Variants in GRIA3 observed in about 807,000 individuals in gnomAD.
The protein encoded by GRIA3 is glutamate ionotropic receptor AMPA type subunit 3, also known as glutamate receptor 3.
In GRIA3, 3 loss-of-function variants were observed where a neutral mutation model predicts 63.0. The ratio of observed to expected loss-of-function variants is 0.05; its 90% CI spans 0.02 to 0.12. GRIA3 has a LOEUF of 0.12. Among genes scored for constraint, GRIA3 ranks in the 10% least tolerant of loss-of-function variants. The pLI is 1.00. For synonymous variants in GRIA3, 274 were observed against 257.9 expected (o/e 1.06, Z -0.60); for missense variants, 347 against 700.9 (o/e 0.50, Z 5.70).
intron 5 of GRIA3, among the ~76,000 whole-genome samples, chrX:123,378,966 T>C (rs1390230728): frequency 1.8e-5 from 2 of 111,297 alleles, no homozygotes; most frequent in African/African-American, 3.3e-5. Context: ...TTTTGTTACA[T>C]AGTTAATTTT....
chrX:123,339,127 G>C (rs926958778), intron 4 of GRIA3, among the ~76,000 whole-genome samples: 1 of 112,104 alleles, frequency 8.9e-6, no homozygotes, highest in Non-Finnish European at 1.9e-5. Flanking sequence ...ATATCTAACA[G>C]AGATATTTTT....
chrX:123,306,831 G>A (rs1025265540), intron 3 of GRIA3, among the ~76,000 whole-genome samples: 1 of 111,834 alleles, frequency 8.9e-6, no homozygotes, highest in African/African-American at 3.3e-5. Context: ...CCTCTCTCTA[G>A]CCCTGGGGCA....
chrX:123,254,601 G>A (rs1426337844), intron 3 of GRIA3, among the ~76,000 whole-genome samples: 2 of 111,875 alleles, frequency 1.8e-5, no homozygotes, highest in Non-Finnish European at 3.8e-5. Context: ...TAACTTGAAC[G>A]GCCATTTTGC....
intron 3 of GRIA3, among the ~76,000 whole-genome samples, chrX:123,268,674 C>T (rs1173370104): frequency 9.1e-6 from 1 of 110,476 alleles, no homozygotes; most frequent in Non-Finnish European, 1.9e-5. Flanking sequence ...GTTCTTAAGG[C>T]TGAGGTTTCA....
intron 12 of GRIA3, among the ~76,000 whole-genome samples, chrX:123,428,489 T>G (rs763646445): frequency 2.7e-5 from 3 of 111,826 alleles, no homozygotes; most frequent in Non-Finnish European, 5.6e-5. Context: ...ATAATATATA[T>G]TCTGCTTTCT....
chrX:123,265,792 C>G (rs2044484762), intron 3 of GRIA3, among the ~76,000 whole-genome samples: 1 of 112,436 alleles, frequency 8.9e-6, no homozygotes, highest in South Asian at 3.7e-4. Flanking sequence ...CTTAAGTGCA[C>G]TCACATGTTT....
chrX:123,349,718 T>G (rs1205294853), intron 4 of GRIA3, among the ~76,000 whole-genome samples: 4 of 112,450 alleles, frequency 3.6e-5, no homozygotes, highest in Non-Finnish European at 7.5e-5. Context: ...TTTATTCAAG[T>G]CAGATGACTG....
intron 6 of GRIA3, among the ~76,000 whole-genome samples, chrX:123,397,361 T>A (rs193142076): frequency 3.9e-3 from 434 of 112,095 alleles, no homozygotes; most frequent in Non-Finnish European, 6.3e-3. Context: ...ATCCTGATAA[T>A]TTACTCTATA....
intron 3 of GRIA3, among the ~76,000 whole-genome samples, chrX:123,310,547 C>A (rs2044783037): frequency 8.8e-6 from 1 of 113,164 alleles, no homozygotes. Flanking sequence ...GCTTTATGCT[C>A]CACAGCTCTA....
At chrX:123,327,618 G>A (rs1012214408) in intron 4 of GRIA3, among the ~76,000 whole-genome samples, 6 of 110,866 alleles carry the variant, frequency 5.4e-5, no homozygotes, top group Non-Finnish European at 9.4e-5. Context: ...GGGAAGAGAC[G>A]GAAGGAAGGG....
intron 12 of GRIA3, among the ~76,000 whole-genome samples, chrX:123,435,312 T>G (rs2045638578): frequency 8.9e-6 from 1 of 112,031 alleles, no homozygotes; most frequent in Non-Finnish European, 1.9e-5. Context: ...GAGCTCACAA[T>G]CTAGTGGACC....
intron 10 of GRIA3, among the ~76,000 whole-genome samples, chrX:123,410,394 T>C (rs986871181): frequency 3.6e-5 from 4 of 111,992 alleles, no homozygotes; most frequent in Non-Finnish European, 5.6e-5. Flanking sequence ...ACTTAGAAGA[T>C]AGCAGAGAGC....
chrX:123,195,015 A>G (rs182916027), intron 2 of GRIA3, among the ~76,000 whole-genome samples: 28 of 113,017 alleles, frequency 2.5e-4, no homozygotes, highest in African/African-American at 8.7e-4. Context: ...AGACAAAGGA[A>G]TTATTTTCAT....
chrX:123,249,673 C>G (rs764974894), intron 2 of GRIA3, among the ~76,000 whole-genome samples: 11 of 111,489 alleles, frequency 9.9e-5, no homozygotes, highest in Non-Finnish European at 2.1e-4. Context: ...TGATTTTCAC[C>G]TAAAACTCTT....
intron 12 of GRIA3, among the ~76,000 whole-genome samples, chrX:123,448,366 C>T (rs1357325674): frequency 1.8e-5 from 2 of 111,666 alleles, no homozygotes; most frequent in Admixed American, 1.9e-4. Context: ...AGTTAATTCC[C>T]CAACCTACCC....
At chrX:123,320,706 A>C (rs1271486048) in intron 3 of GRIA3, among the ~76,000 whole-genome samples, 1 of 112,321 alleles carries the variant, frequency 8.9e-6, no homozygotes, top group Admixed American at 9.4e-5. Context: ...TTGAAAGACC[A>C]CTAAATTGGA....
At chrX:123,268,784 C>T (rs1302407996) in intron 3 of GRIA3, among the ~76,000 whole-genome samples, 2 of 111,517 alleles carry the variant, frequency 1.8e-5, no homozygotes, top group Non-Finnish European at 3.8e-5. Flanking sequence ...TAAAGGCTAG[C>T]CCCAGATTTA....
intron 3 of GRIA3, among the ~76,000 whole-genome samples, chrX:123,297,443 T>C (rs1434528812): frequency 2.7e-5 from 3 of 112,185 alleles, no homozygotes; most frequent in Non-Finnish European, 5.7e-5. Context: ...ATCAGGTAGA[T>C]TGGGTTGTTC....
At chrX:123,217,454 C>A (rs1377143239) in intron 2 of GRIA3, among the ~76,000 whole-genome samples, 1 of 111,668 alleles carries the variant, frequency 9.0e-6, no homozygotes, top group African/African-American at 3.3e-5. Context: ...ATACCCTCTC[C>A]AAATTACCTG....
Sources: allele counts gnomAD v4.1 joint callset (sites outside exome capture counted in the v4.1 genomes callset), GRCh38; gene constraint gnomAD v4.1.1; transcripts MANE v1.5; gene names NCBI Gene and HGNC (gene_info 2026-07-23, HGNC 2026-07-21).